LUZP2: variants seen among roughly 807,000 people sequenced by gnomAD.
LUZP2 encodes the protein leucine zipper protein 2.
A neutral mutation model predicts 51.6 loss-of-function variants in LUZP2; 52 were observed. The observed-to-expected ratio is 1.01, with a 90% CI of 0.81 to 1.27. The LOEUF (loss-of-function observed/expected upper bound fraction) is 1.27, where lower values mean the gene tolerates loss of function less well. LUZP2 is among the 50% of genes most tolerant of loss of function. The pLI is 0.00. For synonymous variants in LUZP2, 154 were observed against 137.3 expected, an observed-to-expected ratio of 1.12 and a Z score of -0.85; for missense variants, 436 against 395.4, an observed-to-expected ratio of 1.10 and a Z score of -0.87.
At chr11:25,048,928 T>G (rs1435171650) in intron 9 of LUZP2, among the ~76,000 whole-genome samples, 1 of 152,108 alleles carries the variant, frequency 6.6e-6, no homozygotes, top group Non-Finnish European at 1.5e-5. Context: ...TATTTTCTAT[T>G]GTTTTTCTAA....
intron 5 of LUZP2, among the ~76,000 whole-genome samples, chr11:24,859,180 T>A (rs1225687359): frequency 6.6e-6 from 1 of 152,218 alleles, no homozygotes; most frequent in Non-Finnish European, 1.5e-5. Context: ...TATTGTCACA[T>A]ATGACTTATA....
chr11:24,669,997 T>A (rs1358220872), intron 1 of LUZP2, among the ~76,000 whole-genome samples: 1 of 152,014 alleles, frequency 6.6e-6, no homozygotes, highest in South Asian at 2.1e-4. Flanking sequence ...ACATTCTGAA[T>A]TAAAAAAAAC....
intron 1 of LUZP2, among the ~76,000 whole-genome samples, chr11:24,506,951 A>G (rs1397529336): frequency 1.3e-5 from 2 of 152,122 alleles, no homozygotes; most frequent in African/African-American, 4.8e-5. Context: ...CAGAAGCTAA[A>G]CCATACTGGC....
At chr11:25,059,893 T>C (rs1156291112) in intron 10 of LUZP2, among the ~76,000 whole-genome samples, 3 of 152,148 alleles carry the variant, frequency 2.0e-5, no homozygotes, top group South Asian at 2.1e-4. Flanking sequence ...ATCAAACTTA[T>C]TGGCAATATA....
At chr11:25,008,741 C>G (rs1230573697) in intron 9 of LUZP2, among the ~76,000 whole-genome samples, 1 of 152,076 alleles carries the variant, frequency 6.6e-6, no homozygotes, top group Non-Finnish European at 1.5e-5. Flanking sequence ...AAAAGCTCGC[C>G]ACCATGAGAG....
intron 1 of LUZP2, among the ~76,000 whole-genome samples, chr11:24,698,139 T>C (rs1857304958): frequency 6.6e-6 from 1 of 152,158 alleles, no homozygotes; most frequent in South Asian, 2.1e-4. Flanking sequence ...ATAATTAAAC[T>C]CTTTCTTTTC....
At chr11:24,949,073 G>C (rs781738606) in intron 7 of LUZP2, among the ~76,000 whole-genome samples, 37 of 151,540 alleles carry the variant, frequency 2.4e-4, no homozygotes, top group Non-Finnish European at 5.0e-4. Flanking sequence ...TATTTCCAGG[G>C]TGAATCCAAA....
intron 5 of LUZP2, among the ~76,000 whole-genome samples, chr11:24,764,315 A>C (rs1860098720): frequency 6.6e-6 from 1 of 151,960 alleles, no homozygotes; most frequent in South Asian, 2.1e-4. Context: ...TTTTAATCTT[A>C]GATAACTTCT....
At chr11:24,832,513 TATA>T (rs774781002) in intron 5 of LUZP2, among the ~76,000 whole-genome samples, 2 of 152,054 alleles carry the variant, frequency 1.3e-5, no homozygotes, top group East Asian at 1.9e-4. Context: ...TGTAGTTTTC[TATA>T]ATATCTTGTT....
At chr11:24,637,016 A>G (rs1189247237) in intron 1 of LUZP2, among the ~76,000 whole-genome samples, 2 of 151,682 alleles carry the variant, frequency 1.3e-5, no homozygotes, top group African/African-American at 2.4e-5. Flanking sequence ...AAAGCTAAAA[A>G]TGTTGATTAA....
At chr11:24,981,352 G>C (rs1856023007) in intron 8 of LUZP2, among the ~76,000 whole-genome samples, 2 of 151,678 alleles carry the variant, frequency 1.3e-5, no homozygotes, top group African/African-American at 4.8e-5. Context: ...TACTGGTGGG[G>C]GTGTCTTTTA....
intron 1 of LUZP2, among the ~76,000 whole-genome samples, chr11:24,655,098 T>C (rs1855761576): frequency 6.6e-6 from 1 of 152,156 alleles, no homozygotes. Context: ...AGTTGTTTTA[T>C]TGTGAAGTGG....
chr11:24,961,731 C>T (rs1208654634), intron 7 of LUZP2, among the ~76,000 whole-genome samples: 2 of 151,872 alleles, frequency 1.3e-5, no homozygotes, highest in South Asian at 2.1e-4. Context: ...TTAATTGAAG[C>T]ATTTAGTCCA....
intron 1 of LUZP2, among the ~76,000 whole-genome samples, chr11:24,536,672 T>C (rs1851190391): frequency 6.6e-6 from 1 of 151,876 alleles, no homozygotes; most frequent in South Asian, 2.1e-4. Flanking sequence ...CATTAAAACT[T>C]TCTCCATATC....
chr11:24,826,005 C>G (rs2134167649), intron 5 of LUZP2, among the ~76,000 whole-genome samples: 1 of 151,286 alleles, frequency 6.6e-6, no homozygotes, highest in African/African-American at 2.4e-5. Context: ...AACCCTGTCT[C>G]TACTAAAAAT....
chr11:24,886,616 T>G lies in LUZP2; in HGVS notation c.397-19375T>G, dbSNP rs188807470. 5.5e-3 allele frequency among the ~76,000 whole-genome samples: 831 copies of G among 152,312 alleles called. 10 individuals carry two copies. Among genetic ancestry groups the G allele is most frequent in the African/African-American group, 0.019 (778 of 41,586 alleles). On this transcript the variant is annotated intron_variant, in intron 5 of 11. Coordinates refer to ENST00000336930, the MANE Select transcript of LUZP2 (RefSeq NM_001009909.4). ...AGATATCAATTTTAAAATGCATTAG[T>G]CTGATTTATTAAACTTCTTAAGGGG...
chr11:25,078,628 G>C lies in LUZP2; in HGVS notation c.1011G>C (p.Gly337=). 1 of 1,609,672 alleles carries C rather than the reference G, an allele frequency of 6.2e-7. No homozygotes were observed. Among genetic ancestry groups the C allele is most frequent in the Non-Finnish European group, 8.5e-7 (1 of 1,179,122 alleles). The part of the protein sequence containing the change: ...APEKPLTSFE[G]MAAREEKIL ...AAAAACCATTGACCAGCTTTGAAGG[G>C]ATGGCAGCTAGAGAAGAAAAAATAC... Residue 337 remains glycine (G), a synonymous_variant, in exon 12 of 12, where the codon GGG becomes GGC. Coordinates refer to ENST00000336930, the MANE Select transcript of LUZP2 (RefSeq NM_001009909.4).
intron 10 of LUZP2, among the ~76,000 whole-genome samples, chr11:25,062,587 C>CAAAAAAAAAAAAA (rs1163708322): frequency 2.3e-5 from 1 of 43,090 alleles, no homozygotes; most frequent in African/African-American, 5.8e-5. Context: ...AAGACCCTGT[C>CAAAAAAAAAAAAA]AAAAAAAAAA....
chr11:24,833,032 G>T (rs1850746219), intron 5 of LUZP2, among the ~76,000 whole-genome samples: 1 of 152,152 alleles, frequency 6.6e-6, no homozygotes, highest in Non-Finnish European at 1.5e-5. Context: ...ACTTTAAAAT[G>T]ATGTAAAATT....
Sources: allele counts gnomAD v4.1 joint callset (sites outside exome capture counted in the v4.1 genomes callset), GRCh38; gene constraint gnomAD v4.1.1; transcripts MANE v1.5; gene names NCBI Gene and HGNC (gene_info 2026-07-23, HGNC 2026-07-21).